The following LPCAT3 variants were observed in gnomAD, a reference collection of about 807,000 sequenced individuals.
LPCAT3 encodes lysophospholipid acyltransferase 5.
Under a neutral mutation model 63.4 loss-of-function variants are expected in LPCAT3, and 21 were observed. The observed-to-expected ratio is 0.33, with a 90% CI of 0.23 to 0.48. The LOEUF is 0.48. Among genes scored for constraint, LPCAT3 ranks in the 20% least tolerant of loss-of-function variants. The pLI is 0.99. For missense variants in LPCAT3, 451 were observed against 590.6 expected, an observed-to-expected ratio of 0.76 and a Z score of 2.45; for synonymous variants, 242 against 227.5, an observed-to-expected ratio of 1.06 and a Z score of -0.58.
chr12:6,982,587 G>A, intron 3 of LPCAT3, 89 bp downstream of exon 3: 1 of 959,802 alleles, frequency 1.0e-6, no homozygotes, highest in Non-Finnish European at 1.6e-6. Flanking sequence ...AATTAGGTCT[G>A]CTAATTTCTA....
intron 1 of LPCAT3, among the ~76,000 whole-genome samples, chr12:7,008,175 C>T (rs1025549817): frequency 6.6e-6 from 1 of 152,046 alleles, no homozygotes; most frequent in South Asian, 2.1e-4. Flanking sequence ...ACTCTCCACA[C>T]CCCCTTCCTG....
intron 7 of LPCAT3, chr12:6,979,211 G>GC (rs1258306179): frequency 3.9e-6 from 2 of 518,774 alleles, no homozygotes; most frequent in East Asian, 3.3e-5. Context: ...ATGTGATAAG[G>GC]CAAGCTAGGA....
rs1433450215 is a variant in LPCAT3 at position 7,018,039 on chromosome 12, G to A, written c.151+235C>T. 6.6e-6 allele frequency among the ~76,000 whole-genome samples: 1 copy of A among 152,208 alleles called. No homozygotes were observed. The highest frequency in any genetic ancestry group is 1.5e-5 in the Non-Finnish European group (1 of 68,038). ...GGGCGGGGGCCCGACTGAGAGGCCA[G>A]AGGGCATGGCAGGGGTTGAAGAGAA... On this transcript the variant is annotated intron_variant, in intron 1 of 12. Transcript: ENST00000261407. The surrounding 1 kb of genome is among the most constrained non-coding windows in gnomAD (Gnocchi z 4.9).
intron 1 of LPCAT3, among the ~76,000 whole-genome samples, chr12:6,990,238 G>A (rs1555155301): frequency 1.3e-5 from 2 of 150,950 alleles, no homozygotes; most frequent in East Asian, 2.0e-4. Context: ...AGCGGGGCAC[G>A]GTGGCTCATG....
chr12:6,983,123 G>C (rs1946487607), intron 2 of LPCAT3: 5 of 495,892 alleles, frequency 1.0e-5, no homozygotes, highest in South Asian at 8.8e-5. Context: ...CTGAAGTGAA[G>C]AATGAATCTA....
At chr12:7,003,366 T>G (rs1322710960) in intron 1 of LPCAT3, among the ~76,000 whole-genome samples, 1 of 151,924 alleles carries the variant, frequency 6.6e-6, no homozygotes, top group Non-Finnish European at 1.5e-5. Context: ...TGAGTTTTTT[T>G]TTTTTTTTTA....
At chr12:7,015,867 C>A (rs1946794595) in intron 1 of LPCAT3, among the ~76,000 whole-genome samples, 1 of 152,102 alleles carries the variant, frequency 6.6e-6, no homozygotes, top group Non-Finnish European at 1.5e-5. Flanking sequence ...CATCTGTATG[C>A]CCCGTGACAG....
At chr12:6,989,827 T>C (rs911745414) in intron 1 of LPCAT3, among the ~76,000 whole-genome samples, 1 of 152,150 alleles carries the variant, frequency 6.6e-6, no homozygotes, top group Admixed American at 6.5e-5. Context: ...TTATTAATCC[T>C]AAAGTTGTGA....
At chr12:6,985,701 C>T (rs1319379164) in intron 1 of LPCAT3, among the ~76,000 whole-genome samples, 3 of 151,308 alleles carry the variant, frequency 2.0e-5, no homozygotes, top group Non-Finnish European at 1.5e-5. Flanking sequence ...GGCAACAGAG[C>T]GAGACTCTGT....
In LPCAT3 at chr12:7,011,721, T is replaced by C. The variant is rs139939276; in HGVS notation, c.151+6553A>G. On this transcript the variant is annotated intron_variant, in intron 1 of 12. Coordinates refer to ENST00000261407, the MANE Select transcript of LPCAT3 (RefSeq NM_005768.6). The stretch of plus-strand genomic sequence containing the variant: ...GGGAAGGTTTAGATTATGATGAAAT[T>C]TGTGGCTATGAACTAGAATAAAGTC... Among the ~76,000 whole-genome samples the C allele has an allele frequency of 6.4e-3, 974 of 151,730 alleles. 8 individuals are homozygous for C. Among genetic ancestry groups the C allele is most frequent in the Non-Finnish European group, 1.0e-2 (677 of 67,944 alleles).
intron 9 of LPCAT3, 87 bp downstream of exon 9, chr12:6,978,254 G>T: frequency 6.8e-7 from 1 of 1,463,468 alleles, no homozygotes; most frequent in South Asian, 1.3e-5. Context: ...AAGACGCATA[G>T]GGGTGACATG....
intron 4 of LPCAT3, 89 bp from the exon 5 acceptor site, chr12:6,981,721 C>CG (rs1203823818): frequency 2.7e-5 from 4 of 147,260 alleles, no homozygotes; most frequent in South Asian, 4.9e-5. Context: ...AAGTGTATGG[C>CG]GGGGGGCGGA....
At chr12:6,985,120 G>A (rs1475841911) in intron 1 of LPCAT3, among the ~76,000 whole-genome samples, 7 of 150,726 alleles carry the variant, frequency 4.6e-5, no homozygotes, top group African/African-American at 9.8e-5. Flanking sequence ...GGCTGGGCGC[G>A]GTGGCTCATG....
intron 1 of LPCAT3, among the ~76,000 whole-genome samples, chr12:7,003,795 G>A (rs782816848): frequency 2.6e-5 from 4 of 151,866 alleles, no homozygotes; most frequent in Non-Finnish European, 5.9e-5. Flanking sequence ...GGTGGCGGGC[G>A]CCTGTAGTCC....
chr12:7,006,357 T>C (rs1946724422), intron 1 of LPCAT3, among the ~76,000 whole-genome samples: 1 of 152,202 alleles, frequency 6.6e-6, no homozygotes, highest in African/African-American at 2.4e-5. Context: ...TAGCTGGGAT[T>C]ACAGGTGTGT....
At chr12:6,999,698 A>G (rs1355443694) in intron 1 of LPCAT3, among the ~76,000 whole-genome samples, 4 of 152,224 alleles carry the variant, frequency 2.6e-5, no homozygotes, top group Admixed American at 2.6e-4. Flanking sequence ...TTTTAGTAGA[A>G]CAGGTGCAAC....
intron 1 of LPCAT3, among the ~76,000 whole-genome samples, chr12:6,994,348 C>A (rs968265271): frequency 3.7e-4 from 56 of 152,258 alleles, no homozygotes; most frequent in African/African-American, 1.3e-3. Context: ...GCTGGGATTA[C>A]AGGTGTGCAC....
chr12:6,976,906 G>A lies in LPCAT3; in HGVS notation c.*13-15C>T. On this transcript the variant is annotated splice_polypyrimidine_tract_variant and intron_variant, in intron 12 of 12. Transcript: ENST00000261407. The stretch of plus-strand genomic sequence containing the variant: ...GCACAGGCCACCTGCAAGACAAGAG[G>A]AGTTTGGAAGGCTGGTTAGTTACTC... The A allele has an allele frequency of 2.1e-6, 1 of 480,422 alleles. No individual in the cohort carries two copies. The highest frequency in any genetic ancestry group is 2.4e-5 in the South Asian group (1 of 41,878). The allele number at this position is 480,422 out of a possible 1,614,324, so 29.8% of individuals were successfully genotyped here.
At chr12:7,006,757 A>G (rs1186930518) in intron 1 of LPCAT3, among the ~76,000 whole-genome samples, 1 of 152,190 alleles carries the variant, frequency 6.6e-6, no homozygotes, top group Admixed American at 6.5e-5. Flanking sequence ...GATATGCTGT[A>G]GGAACTTTAT....
Sources: gnomAD v4.1 joint callset for allele counts (sites outside exome capture counted in the v4.1 genomes callset) on GRCh38, gnomAD v4.1.1 for gene constraint, Gnocchi (gnomAD v3.1) non-coding constraint, MANE v1.5 for transcripts, NCBI Gene and HGNC (gene_info 2026-07-23, HGNC 2026-07-21) for gene names.